Variants in PPL observed in about 807,000 individuals in gnomAD.
The protein encoded by PPL is periplakin, also known as 190 kDa paraneoplastic pemphigus antigen.
Under a neutral mutation model 194.4 loss-of-function variants are expected in PPL, and 198 were observed. That is an observed-to-expected ratio of 1.02 (90% CI 0.91 to 1.15). PPL has a LOEUF of 1.15. Among genes scored for constraint, PPL ranks in the 50% most tolerant of loss-of-function variants. PPL has a pLI of 0.00. For synonymous variants in PPL, 1,220 were observed against 972.4 expected (o/e 1.25, Z -4.74); for missense variants, 2,885 against 2,294.8 (o/e 1.26, Z -5.25).
At chr16:4,897,625 C>T (rs1217934801) in intron 9 of PPL, 50 bp downstream of exon 9, 1 of 1,484,668 alleles carries the variant, frequency 6.7e-7, no homozygotes, top group Non-Finnish European at 9.4e-7. Flanking sequence ...TGAGCGCTCT[C>T]AGAGAGTAGC....
At chr16:4,903,795 T>G in intron 3 of PPL, 91 bp downstream of exon 3, 1 of 1,496,208 alleles carries the variant, frequency 6.7e-7, no homozygotes, top group Non-Finnish European at 9.1e-7. Context: ...TGATAACCCC[T>G]GACTCGGGCT....
chr16:4,900,896 G>C (rs773174494), intron 5 of PPL, 25 bp from the exon 6 acceptor site: 3 of 1,614,092 alleles, frequency 1.9e-6, no homozygotes, highest in Non-Finnish European at 1.7e-6. Context: ...GAGGGCATGG[G>C]TCAGGGCCAG....
intron 2 of PPL, among the ~76,000 whole-genome samples, chr16:4,904,597 G>A (rs950874060): frequency 6.6e-6 from 1 of 152,240 alleles, no homozygotes; most frequent in Admixed American, 6.5e-5. Flanking sequence ...GGAACAGCCT[G>A]TGCAAAGGTC....
intron 1 of PPL, among the ~76,000 whole-genome samples, chr16:4,920,336 AG>A (rs1393843295): frequency 7.5e-4 from 34 of 45,344 alleles, no homozygotes; most frequent in South Asian, 1.5e-3. Flanking sequence ...AGAAAGAAAG[AG>A]AGAGAGAGAG....
chr16:4,909,466 G>A (rs914291957), intron 2 of PPL, among the ~76,000 whole-genome samples: 1 of 125,976 alleles, frequency 7.9e-6, no homozygotes. Flanking sequence ...TTACTCTGTT[G>A]CCCAGGCTGG....
chr16:4,920,608 G>A (rs555680256), intron 1 of PPL, among the ~76,000 whole-genome samples: 3 of 152,052 alleles, frequency 2.0e-5, no homozygotes, highest in African/African-American at 7.2e-5. Context: ...GATTACAGGC[G>A]CACGCCACCA....
chr16:4,894,763 A>T, intron 11 of PPL, 145 bp from the exon 12 acceptor site: 3 of 922,638 alleles, frequency 3.3e-6, no homozygotes, highest in African/African-American at 1.7e-5. Flanking sequence ...AGGGGCATGC[A>T]GGAGAAGCAC....
At position 4,910,850 on chromosome 16, in the gene PPL, A is replaced by C; in HGVS notation, c.162T>G (p.Ser54Arg). 6.2e-7 allele frequency: 1 copy of C among 1,613,330 alleles called. No homozygotes were observed. Among genetic ancestry groups the C allele is most frequent in the Non-Finnish European group, 8.5e-7 (1 of 1,179,714 alleles). The part of the protein sequence containing the change: ...NIVDTEAKMQ[S>R]DLARLQEGRQ... ...TGGGAGTGGGAGTGGGGGCACTCAC[A>C]CTCTGCATCTTGGCCTCTGTGTCCA... Residue 54 changes from serine (S) to arginine (R), a missense_variant and splice_region_variant, in exon 2 of 22, where the codon AGT (serine) becomes AGG (arginine). Ser to Arg is a moderately radical substitution (Grantham distance 110). Transcript: ENST00000345988.
At chr16:4,886,430 A>G (rs2088220718) in intron 21 of PPL, among the ~76,000 whole-genome samples, 1 of 152,322 alleles carries the variant, frequency 6.6e-6, no homozygotes, top group East Asian at 1.9e-4. Context: ...CTGCACTTAC[A>G]GAGCTCATTC....
chr16:4,897,810 A>G lies in PPL; in HGVS notation c.877-40T>C, dbSNP rs1555520546. ...AGGGGCCGGTCACCACTGGGCAGGT[A>G]CTGCAGACACCAAGGGAGGGACTGC... is the stretch of plus-strand genomic sequence containing the variant. On this transcript the variant is annotated intron_variant, in intron 8 of 21. Transcript: ENST00000345988. 4.6e-6 allele frequency: 7 copies of G among 1,529,626 alleles called. No individual in the cohort carries two copies. The Admixed American group carries it at 1.2e-4, about 26-fold the overall frequency. 94.8% of individuals were successfully genotyped at this position (1,529,626 alleles called of 1,614,324 possible).
chr16:4,901,116 A>T, intron 4 of PPL, 27 bp from the exon 5 acceptor site: 1 of 1,611,850 alleles, frequency 6.2e-7, no homozygotes, highest in South Asian at 1.1e-5. Flanking sequence ...AGAAGCAATA[A>T]GGAGAGGGTG....
chr16:4,898,397 T>G (rs1305107071), intron 8 of PPL, among the ~76,000 whole-genome samples: 1 of 152,056 alleles, frequency 6.6e-6, no homozygotes, highest in East Asian at 1.9e-4. Flanking sequence ...TTGGTGGCAT[T>G]GTGGGGGTTG....
intron 1 of PPL, among the ~76,000 whole-genome samples, chr16:4,917,761 G>C (rs1198094206): frequency 1.3e-5 from 2 of 151,958 alleles, no homozygotes; most frequent in East Asian, 3.9e-4. Flanking sequence ...AATTAGCTGG[G>C]CATGGTGATG....
chr16:4,926,101 A>G (rs902348275), intron 1 of PPL, among the ~76,000 whole-genome samples: 6 of 152,066 alleles, frequency 3.9e-5, no homozygotes, highest in African/African-American at 1.4e-4. Flanking sequence ...CCCACACCCT[A>G]CCCTAGCACC....
In PPL at chr16:4,884,280, GCT is replaced by G. The variant is rs1301191632; in HGVS notation, c.4373_4374del (p.Glu1458AlafsTer93). ...TCCAGCTGGAGTCGGAGCAGGGCATGCTCTCGCGCCTGCTGCGGGTCCTGCTG... is the reference window on the plus strand; with the variant it reads ...TCCAGCTGGAGTCGGAGCAGGGCATGCTCGCGCCTGCTGCGGGTCCTGCTG... Reference protein sequence around the residue: ...VLQQDPQQAREHALLRLQLEE... With the variant: ...VLQQDPQQARXHALLRLQLEE... On this transcript the variant is annotated frameshift_variant, in exon 22 of 22. Transcript: ENST00000345988. LOFTEE classifies it high-confidence loss of function. This position sits in a 1 kb window ranked among gnomAD's most constrained non-coding sequence, Gnocchi z 5.7. The G allele has an allele frequency of 3.7e-6, 6 of 1,612,660 alleles. No individual in the cohort carries two copies. Among genetic ancestry groups the G allele is most frequent in the African/African-American group, 1.3e-5 (1 of 74,816 alleles).
Position 4,903,881 on chromosome 16 carries a change from C to A in PPL, c.317+5G>T, listed in dbSNP as rs2088627102. The A allele has an allele frequency of 5.6e-6, 9 of 1,613,834 alleles. No individual in the cohort carries two copies. The highest frequency in any genetic ancestry group is 7.6e-6 in the Non-Finnish European group (9 of 1,179,988). On this transcript the variant is annotated splice_donor_5th_base_variant and intron_variant, in intron 3 of 21. Coordinates refer to ENST00000345988, the MANE Select transcript of PPL (RefSeq NM_002705.5). ...CCCCTGGGGTAAGAAGCAGAAGGGA[C>A]CTACTCCTCGGCGATCATGTCCCCC...
At chr16:4,934,767 T>C (rs741162) in intron 1 of PPL, among the ~76,000 whole-genome samples, 122,633 of 152,078 alleles carry the variant, frequency 0.81, 49,848 homozygotes, top group Middle Eastern at 0.89. Context: ...AGACACTTGC[T>C]ATGGGGCTGG....
At chr16:4,905,929 A>AC (rs2088672860) in intron 2 of PPL, among the ~76,000 whole-genome samples, 1 of 152,050 alleles carries the variant, frequency 6.6e-6, no homozygotes, top group East Asian at 1.9e-4. Flanking sequence ...ATATAGTGAG[A>AC]CCCCATTTAT....
At position 4,883,590 on chromosome 16, in the gene PPL, T is replaced by G. The variant is rs191148871; in HGVS notation, c.5065A>C (p.Arg1689=). The G allele has an allele frequency of 6.2e-7, 1 of 1,614,172 alleles. No homozygotes were observed. The change falls in exon 22 of 22, where the codon AGA becomes CGA. Residue 1689 remains arginine (R), a synonymous_variant. Transcript: ENST00000345988. The surrounding 1 kb of genome is among the most constrained non-coding windows in gnomAD (Gnocchi z 4.8). ...LIDWNMFVKL[R]SQECDWEEIS... is the part of the protein sequence containing the mutation. ...TCCTCCCAGTCGCACTCCTGGCTTC[T>G]GAGTTTCACGAACATGTTCCAGTCA...
Sources: gnomAD v4.1 joint callset for allele counts (sites outside exome capture counted in the v4.1 genomes callset) on GRCh38, gnomAD v4.1.1 for gene constraint, Gnocchi (gnomAD v3.1) non-coding constraint, MANE v1.5 for transcripts, NCBI Gene and HGNC (gene_info 2026-07-23, HGNC 2026-07-21) for gene names.